AP1S3: variants seen among roughly 807,000 people sequenced by gnomAD.
The protein encoded by AP1S3 is adaptor related protein complex 1 subunit sigma 3, also known as AP-1 complex subunit sigma-3.
Under a neutral mutation model 20.9 loss-of-function variants are expected in AP1S3, and 10 were observed. The ratio of observed to expected loss-of-function variants is 0.48; its 90% confidence interval spans 0.29 to 0.81. The LOEUF (loss-of-function observed/expected upper bound fraction) is 0.81, where lower values mean the gene tolerates loss of function less well. Ranked by LOEUF, AP1S3 falls within the 30% of genes least tolerant of loss-of-function variation. The pLI is 0.08. For missense variants in AP1S3, 154 were observed against 183.8 expected (o/e 0.84, Z 0.94); for synonymous variants, 41 against 61.5 (o/e 0.67, Z 1.56).
At chr2:223,780,270 C>T in intron 1 of AP1S3, among the ~76,000 whole-genome samples, 1 of 108,270 alleles carries the variant, frequency 9.2e-6, no homozygotes, top group Admixed American at 1.1e-4. Flanking sequence ...ACCACCATGC[C>T]TGGCTAATAT....
In AP1S3 at chr2:223,775,925, C is replaced by T. The variant is rs998508971; in HGVS notation, c.267G>A (p.Glu89=). The change falls in exon 3 of 5, where the codon GAG becomes GAA. Residue 89 remains glutamate, a synonymous_variant. Coordinates refer to ENST00000396654, the MANE Select transcript of AP1S3 (RefSeq NM_001039569.2). ...LTLEIVHRYV[E]LLDKYFGNVC... is the part of the protein sequence containing the mutation. Reference sequence around the variant, plus strand: ...CATTTCCAAAATATTTGTCCAGCAGCTCCACGTAACGATGCACAATCTCTA... The same window carrying T: ...CATTTCCAAAATATTTGTCCAGCAGTTCCACGTAACGATGCACAATCTCTA... 2.5e-6 allele frequency: 4 copies of T among 1,613,968 alleles called. No individual in the cohort carries two copies. Among genetic ancestry groups the T allele is most frequent in the Admixed American group, 3.3e-5 (2 of 60,008 alleles).
At chr2:223,827,604 T>C (rs892937227) in intron 1 of AP1S3, among the ~76,000 whole-genome samples, 6 of 151,858 alleles carry the variant, frequency 4.0e-5, no homozygotes, top group African/African-American at 7.3e-5. Flanking sequence ...CTGGCTGGTC[T>C]CGAACTCCTG....
chr2:223,780,599 T>C (rs932369139), intron 1 of AP1S3, among the ~76,000 whole-genome samples: 1 of 150,688 alleles, frequency 6.6e-6, no homozygotes, highest in Non-Finnish European at 1.5e-5. Flanking sequence ...GCTAATACTT[T>C]TTAAATTTTG....
chr2:223,819,177 C>T (rs980955578), intron 1 of AP1S3, among the ~76,000 whole-genome samples: 3 of 152,152 alleles, frequency 2.0e-5, no homozygotes, highest in Non-Finnish European at 4.4e-5. Context: ...GTGCCAAAAC[C>T]ACGCCCAGCC....
At chr2:223,813,183 GTGATCTA>G (rs988500941) in intron 1 of AP1S3, among the ~76,000 whole-genome samples, 2 of 152,082 alleles carry the variant, frequency 1.3e-5, no homozygotes, top group African/African-American at 4.8e-5. Flanking sequence ...CTAACCTCAA[GTGATCTA>G]CCCCACTCAG....
chr2:223,772,062 G>A lies in AP1S3; in HGVS notation c.291+3839C>T, dbSNP rs1052572069. 7.9e-5 allele frequency among the ~76,000 whole-genome samples: 12 copies of A among 152,284 alleles called. No individual in the cohort carries two copies. The South Asian group carries it at 1.0e-3, about 13-fold the overall frequency. On this transcript the variant is annotated intron_variant, in intron 3 of 4. Transcript: ENST00000396654. ...GCGGAAGGTGCAGTGAGCCGAGACC[G>A]CGCCACTGCATTCCAGCCTGGGCAA... is the stretch of plus-strand genomic sequence containing the variant.
chr2:223,791,959 G>A (rs1442137382), intron 1 of AP1S3, among the ~76,000 whole-genome samples: 1 of 151,330 alleles, frequency 6.6e-6, no homozygotes, highest in African/African-American at 2.4e-5. Flanking sequence ...AAATACCTAG[G>A]AATACAGCTA....
intron 3 of AP1S3, among the ~76,000 whole-genome samples, chr2:223,770,727 A>ATTTT (rs764596538): frequency 0.061 from 7,045 of 115,192 alleles, 862 homozygotes; most frequent in East Asian, 0.21. Flanking sequence ...AGACCAGTTC[A>ATTTT]TTTTTTTTTT....
chr2:223,777,900 G>C (rs774518516), intron 1 of AP1S3, 31 bp from the exon 2 acceptor site: 43 of 1,579,124 alleles, frequency 2.7e-5, no homozygotes, highest in Middle Eastern at 1.7e-4. Context: ...AACAGAACCT[G>C]ATCAACCAAG....
Position 223,756,770 on chromosome 2 carries a change from G to A in AP1S3, c.*1945C>T. The A allele has an allele frequency of 2.0e-6, 2 of 985,280 alleles. No homozygotes were observed. The highest frequency in any genetic ancestry group is 2.4e-6 in the Non-Finnish European group (2 of 829,910). The allele number at this position is 985,280 out of a possible 1,614,324, so 61.0% of individuals were successfully genotyped here. The stretch of plus-strand genomic sequence containing the variant: ...TTTCCCTAAATATGTCTGCTGAGAT[G>A]AACTAAAGAGAACATTTTTCCATCG... On this transcript the variant is annotated 3_prime_UTR_variant, in exon 5 of 5. Coordinates refer to ENST00000396654, the MANE Select transcript of AP1S3 (RefSeq NM_001039569.2).
intron 1 of AP1S3, among the ~76,000 whole-genome samples, chr2:223,795,935 G>T (rs1238708948): frequency 6.6e-6 from 1 of 152,154 alleles, no homozygotes; most frequent in Admixed American, 6.5e-5. Flanking sequence ...CACTTTGGGT[G>T]GCCGAGGTGG....
intron 1 of AP1S3, among the ~76,000 whole-genome samples, chr2:223,824,422 A>C (rs1692068500): frequency 6.6e-6 from 1 of 152,194 alleles, no homozygotes; most frequent in Non-Finnish European, 1.5e-5. Flanking sequence ...ACAGCATTAC[A>C]CCTTGTGTGG....
chr2:223,780,633 G>A lies in AP1S3; in HGVS notation c.4-2764C>T, dbSNP rs182744301. On this transcript the variant is annotated intron_variant, in intron 1 of 4. Transcript: ENST00000396654. Reference sequence around the variant, plus strand: ...TGTTGTAGAAACGAGGTCTCCCTATGTTGCCCAGACTGGTCTCGAACTCCT... The same window carrying A: ...TGTTGTAGAAACGAGGTCTCCCTATATTGCCCAGACTGGTCTCGAACTCCT... Among the ~76,000 whole-genome samples, 17 of 151,392 alleles carry A rather than the reference G, an allele frequency of 1.1e-4. No individual in the cohort carries two copies. The East Asian group carries it at 3.1e-3, about 28-fold the overall frequency.
Position 223,758,187 on chromosome 2 carries a change from T to C in AP1S3, c.*528A>G, listed in dbSNP as rs1690269584. ...CAGCACATTAAAATCAGACATTTTG[T>C]ATGTGAATTGCAGTTACAGTACTAT... is the stretch of plus-strand genomic sequence containing the variant. On this transcript the variant is annotated 3_prime_UTR_variant, in exon 5 of 5. Transcript: ENST00000396654. 2 of 981,230 alleles carry C rather than the reference T, an allele frequency of 2.0e-6. No homozygotes were observed. The highest frequency in any genetic ancestry group is 1.2e-6 in the Non-Finnish European group (1 of 825,728). 60.8% of individuals were successfully genotyped at this position (981,230 alleles called of 1,614,324 possible).
chr2:223,787,031 G>A (rs1021211594), intron 1 of AP1S3, among the ~76,000 whole-genome samples: 5 of 152,302 alleles, frequency 3.3e-5, no homozygotes, highest in Non-Finnish European at 7.4e-5. Flanking sequence ...AGGGTCTGGA[G>A]TTCTCATGAA....
At chr2:223,785,326 G>A (rs1015068391) in intron 1 of AP1S3, among the ~76,000 whole-genome samples, 1 of 152,044 alleles carries the variant, frequency 6.6e-6, no homozygotes, top group African/African-American at 2.4e-5. Context: ...TGGGCAATAA[G>A]ACCGAAACTC....
chr2:223,821,844 A>T (rs981633431), intron 1 of AP1S3, among the ~76,000 whole-genome samples: 2 of 152,186 alleles, frequency 1.3e-5, no homozygotes, highest in African/African-American at 4.8e-5. Flanking sequence ...ATGTTCATAG[A>T]GACATATTAT....
chr2:223,756,449 AAAAGAAAGAAAGAAAGAAAAG>A lies in AP1S3; in HGVS notation c.*2245_*2265del. 4 of 810,780 alleles carry A rather than the reference AAAAGAAAGAAAGAAAGAAAAG, an allele frequency of 4.9e-6. No homozygotes were observed. Among genetic ancestry groups the A allele is most frequent in the Non-Finnish European group, 6.0e-6 (4 of 671,580 alleles). 50.2% of individuals were successfully genotyped at this position (810,780 alleles called of 1,614,324 possible). A position where few individuals can be genotyped will look rare whatever the true frequency, so the allele number is the denominator to read the frequency against. On this transcript the variant is annotated 3_prime_UTR_variant, in exon 5 of 5. Coordinates refer to ENST00000396654, the MANE Select transcript of AP1S3 (RefSeq NM_001039569.2). ...AGAAGAAGGAAGGAAGAAAGGAAGG[AAAAGAAAGAAAGAAAGAAAAG>A]AAAGAAAGAAAGAAAAAAAGAAAGA... is the stretch of plus-strand genomic sequence containing the variant.
At chr2:223,837,286 G>T (rs981681213) in intron 1 of AP1S3, among the ~76,000 whole-genome samples, 162 bp downstream of exon 1, 2 of 150,994 alleles carry the variant, frequency 1.3e-5, no homozygotes, top group Non-Finnish European at 3.0e-5. Context: ...CGTCCGCACC[G>T]TCTGGGGCAG....
Sources: allele counts gnomAD v4.1 joint callset (sites outside exome capture counted in the v4.1 genomes callset), GRCh38; gene constraint gnomAD v4.1.1; transcripts MANE v1.5; gene names NCBI Gene and HGNC (gene_info 2026-07-23, HGNC 2026-07-21).